TPO: variants seen among roughly 807,000 people sequenced by gnomAD.
The protein encoded by TPO is thyroid microsomal antigen.
In TPO, 78 loss-of-function variants were observed where a neutral mutation model predicts 96.9. The ratio of observed to expected loss-of-function variants is 0.81; its 90% CI spans 0.67 to 0.97. The LOEUF (loss-of-function observed/expected upper bound fraction) is 0.97. TPO is among the 50% of genes least tolerant of loss of function. TPO has a pLI of 0.00. For missense variants in TPO, 1,252 were observed against 1,274.8 expected, an observed-to-expected ratio of 0.98 and a Z score of 0.27; for synonymous variants, 547 against 538.0, an observed-to-expected ratio of 1.02 and a Z score of -0.23.
intron 1 of TPO, among the ~76,000 whole-genome samples, chr2:1,384,662 G>A (rs1229419945): frequency 1.3e-5 from 2 of 152,044 alleles, no homozygotes; most frequent in African/African-American, 2.4e-5. Flanking sequence ...TGCAAACAGG[G>A]ACAATTTGAC....
intron 15 of TPO, among the ~76,000 whole-genome samples, chr2:1,530,853 TA>T (rs1677968693): frequency 2.3e-5 from 2 of 88,038 alleles, no homozygotes; most frequent in African/African-American, 4.7e-5. Flanking sequence ...CCTCCCCAAA[TA>T]CCCCCACTGT....
At position 1,538,065 on chromosome 2, in the gene TPO, C is replaced by G. The variant is rs72776280; in HGVS notation, c.2619-2529C>G. Among the ~76,000 whole-genome samples, 11 of 92,044 alleles carry G rather than the reference C, an allele frequency of 1.2e-4. No individual in the cohort carries two copies. In the South Asian group the frequency reaches 3.2e-3, roughly 27 times the overall value. The allele number at this position is 92,044 out of a possible 152,430, so 60.4% of individuals were successfully genotyped here. A position where few individuals can be genotyped will look rare whatever the true frequency, so the allele number is the denominator to read the frequency against. ...GTGTGCAACCTCCTCAAATCCCCCA[C>G]ACTGTGTGCAGCCTCCTCAAATCCT... is the stretch of plus-strand genomic sequence containing the variant. On this transcript the variant is annotated intron_variant, in intron 15 of 16. Coordinates refer to ENST00000329066, the MANE Select transcript of TPO (RefSeq NM_001206744.2).
chr2:1,448,852 G>A (rs1667065750), intron 5 of TPO, among the ~76,000 whole-genome samples: 1 of 152,194 alleles, frequency 6.6e-6, no homozygotes, highest in Non-Finnish European at 1.5e-5. Flanking sequence ...ATGGAGCCAG[G>A]CCACAGGTGA....
intron 5 of TPO, among the ~76,000 whole-genome samples, chr2:1,438,329 A>G (rs1222720319): frequency 2.0e-5 from 3 of 152,170 alleles, no homozygotes; most frequent in African/African-American, 4.8e-5. Flanking sequence ...CATACTTTCC[A>G]TATGTTTTCA....
At chr2:1,528,938 TCCTC>T (rs1380115434) in intron 15 of TPO, among the ~76,000 whole-genome samples, 2 of 112,250 alleles carry the variant, frequency 1.8e-5, no homozygotes, top group East Asian at 3.0e-4. Flanking sequence ...CCCCCACAAA[TCCTC>T]CCAGTGTGCG....
chr2:1,466,720 T>C (rs1668932994), intron 7 of TPO, among the ~76,000 whole-genome samples: 1 of 152,200 alleles, frequency 6.6e-6, no homozygotes, highest in African/African-American at 2.4e-5. Flanking sequence ...GTGGTGTCAG[T>C]TGTAATATCT....
chr2:1,386,200 C>T (rs143678312), intron 1 of TPO, among the ~76,000 whole-genome samples: 11 of 152,072 alleles, frequency 7.2e-5, no homozygotes, highest in East Asian at 5.8e-4. Flanking sequence ...GTTGATTTGG[C>T]GTGGAGAGTT....
chr2:1,427,444 G>T (rs969852829), intron 3 of TPO, among the ~76,000 whole-genome samples: 1 of 152,216 alleles, frequency 6.6e-6, no homozygotes, highest in Non-Finnish European at 1.5e-5. Context: ...ACCTGGCCAG[G>T]TGTGGCTGGT....
chr2:1,542,498 G>C lies in TPO; in HGVS notation c.*24G>C. 1 of 1,614,000 alleles carries C rather than the reference G, an allele frequency of 6.2e-7. No homozygotes were observed. The highest frequency in any genetic ancestry group is 8.5e-7 in the Non-Finnish European group (1 of 1,179,988). Reference sequence around the variant, plus strand: ...GAGGGCAAAGTGGCAGGACACTGCAGAACAGCTTCATGTTCCCAAAATCAC... The same window carrying C: ...GAGGGCAAAGTGGCAGGACACTGCACAACAGCTTCATGTTCCCAAAATCAC... On this transcript the variant is annotated 3_prime_UTR_variant, in exon 17 of 17. Transcript: ENST00000329066.
intron 1 of TPO, among the ~76,000 whole-genome samples, chr2:1,407,845 C>A (rs1662269777): frequency 6.6e-6 from 1 of 152,200 alleles, no homozygotes; most frequent in African/African-American, 2.4e-5. Context: ...TTCAAGATTA[C>A]ACTGTAAAGA....
Position 1,542,547 on chromosome 2 carries a change from G to A in TPO, c.*73G>A, listed in dbSNP as rs1298626461. On this transcript the variant is annotated 3_prime_UTR_variant, in exon 17 of 17. Coordinates refer to ENST00000329066, the MANE Select transcript of TPO (RefSeq NM_001206744.2). ...ACCGTACGACTCTTTTCCAAACACA[G>A]GCAAATCCGAAATCAGCAGGACGAC... The A allele has an allele frequency of 3.1e-6, 5 of 1,602,792 alleles. No homozygotes were observed. The highest frequency in any genetic ancestry group is 4.3e-6 in the Non-Finnish European group (5 of 1,174,472).
At chr2:1,535,673 G>C (rs1467447904) in intron 15 of TPO, among the ~76,000 whole-genome samples, 5 of 65,616 alleles carry the variant, frequency 7.6e-5, no homozygotes, top group Non-Finnish European at 1.5e-4. Flanking sequence ...CCCCCACTCT[G>C]TGCAACCTCC....
rs1680938542 is a variant in TPO, at chr2:1,543,473, C to A, written c.*999C>A. On this transcript the variant is annotated 3_prime_UTR_variant, in exon 17 of 17. Transcript: ENST00000329066. ...AACAGTGGCACAGGAGGGCTATGAA[C>A]ATTTTGCTTCAGGATGTTTTATTTC... The A allele has an allele frequency of 1.3e-5, 2 of 152,156 alleles. No homozygotes were observed. The highest frequency in any genetic ancestry group is 2.9e-5 in the Non-Finnish European group (2 of 68,034). The allele number at this position is 152,156 out of a possible 1,614,324, so 9.4% of individuals were successfully genotyped here. A position where few individuals can be genotyped will look rare whatever the true frequency, so the allele number is the denominator to read the frequency against.
intron 7 of TPO, among the ~76,000 whole-genome samples, chr2:1,471,607 T>C (rs1426708286): frequency 6.6e-6 from 1 of 152,184 alleles, no homozygotes; most frequent in African/African-American, 2.4e-5. Context: ...CACGAGTCTC[T>C]TCCTCTCCCT....
Position 1,479,361 on chromosome 2 carries a change from G to T in TPO, c.1338+1757G>T, listed in dbSNP as rs548702982. 7.2e-5 allele frequency among the ~76,000 whole-genome samples: 11 copies of T among 152,312 alleles called. No homozygotes were observed. In the East Asian group the frequency reaches 1.9e-3, roughly 27 times the overall value. ...TTTCTCAGGACCCACAATTTGCCAG[G>T]TTGCTTCATAAATATATGTAGAGTT... On this transcript the variant is annotated intron_variant, in intron 8 of 16. Coordinates refer to ENST00000329066, the MANE Select transcript of TPO (RefSeq NM_001206744.2).
At position 1,414,391 on chromosome 2, in the gene TPO, C is replaced by T; in HGVS notation, c.-1-17C>T. 6.2e-7 allele frequency: 1 copy of T among 1,609,852 alleles called. No individual in the cohort carries two copies. Among genetic ancestry groups the T allele is most frequent in the Non-Finnish European group, 8.5e-7 (1 of 1,177,644 alleles). On this transcript the variant is annotated splice_polypyrimidine_tract_variant and intron_variant, in intron 1 of 16. Coordinates refer to ENST00000329066, the MANE Select transcript of TPO (RefSeq NM_001206744.2). ...CAGTGCTTGATTACATACTCTGTCT[C>T]CTTCCGTTAATTTTAGAATGAGAGC...
chr2:1,508,967 A>T (rs182201742), intron 14 of TPO, among the ~76,000 whole-genome samples: 2,208 of 152,100 alleles, frequency 0.015, 55 homozygotes, highest in African/African-American at 0.051. Flanking sequence ...AGTTCTTTTA[A>T]TTGTGATGTT....
chr2:1,463,892 C>G (rs1225948309), intron 7 of TPO, among the ~76,000 whole-genome samples: 1 of 152,174 alleles, frequency 6.6e-6, no homozygotes, highest in African/African-American at 2.4e-5. Flanking sequence ...GAATTATGTT[C>G]ATGTTGGAAT....
intron 6 of TPO, 69 bp from the exon 7 acceptor site, chr2:1,456,007 C>T: frequency 6.0e-6 from 9 of 1,501,024 alleles, no homozygotes; most frequent in South Asian, 5.9e-5. Context: ...AGTGCATGAT[C>T]CCAAAGGGTC....
Sources: gnomAD v4.1 joint callset for allele counts (sites outside exome capture counted in the v4.1 genomes callset) on GRCh38, gnomAD v4.1.1 for gene constraint, MANE v1.5 for transcripts, NCBI Gene and HGNC (gene_info 2026-07-23, HGNC 2026-07-21) for gene names.